The following ST6GALNAC3 variants were observed in gnomAD, a reference collection of about 807,000 sequenced individuals.
ST6GALNAC3 encodes alpha-N-acetylgalactosaminide alpha-2,6-sialyltransferase 3.
Under a neutral mutation model 32.7 loss-of-function variants are expected in ST6GALNAC3, and 25 were observed. The ratio of observed to expected loss-of-function variants is 0.76; its 90% CI spans 0.56 to 1.07. ST6GALNAC3 has a LOEUF of 1.07. ST6GALNAC3 is among the 50% of genes least tolerant of loss of function. The pLI, the probability that ST6GALNAC3 is intolerant of heterozygous loss-of-function variation, is 0.00. For missense variants in ST6GALNAC3, 355 were observed against 382.4 expected, an observed-to-expected ratio of 0.93 and a Z score of 0.60; for synonymous variants, 129 against 133.1, an observed-to-expected ratio of 0.97 and a Z score of 0.21.
intron 2 of ST6GALNAC3, among the ~76,000 whole-genome samples, chr1:76,334,827 T>C (rs1333705632): frequency 6.6e-6 from 1 of 152,128 alleles, no homozygotes; most frequent in Non-Finnish European, 1.5e-5. Flanking sequence ...AGCCCCAGGG[T>C]TTCCGATTCA....
At chr1:76,160,348 G>C (rs890082155) in intron 1 of ST6GALNAC3, among the ~76,000 whole-genome samples, 1 of 152,184 alleles carries the variant, frequency 6.6e-6, no homozygotes, top group Non-Finnish European at 1.5e-5. Context: ...TCCTGTAGTA[G>C]CAGTGTGAAG....
chr1:76,520,471 C>G (rs1662452766), intron 3 of ST6GALNAC3, among the ~76,000 whole-genome samples: 1 of 152,084 alleles, frequency 6.6e-6, no homozygotes, highest in South Asian at 2.1e-4. Flanking sequence ...ACATACCATA[C>G]ACACACATAC....
intron 3 of ST6GALNAC3, among the ~76,000 whole-genome samples, chr1:76,443,256 C>T (rs1054563338): frequency 1.3e-5 from 2 of 152,136 alleles, no homozygotes; most frequent in Admixed American, 1.3e-4. Flanking sequence ...TTAGCTTAAG[C>T]CACCCTTCTA....
Position 76,089,457 on chromosome 1 carries a change from G to C in ST6GALNAC3, c.18+14573G>C, listed in dbSNP as rs1010056762. 3.3e-5 allele frequency among the ~76,000 whole-genome samples: 5 copies of C among 152,228 alleles called. No homozygotes were observed. In the East Asian group the frequency reaches 5.8e-4, roughly 18 times the overall value. On this transcript the variant is annotated intron_variant, in intron 1 of 4. Transcript: ENST00000328299. ...TGATTTTGCTACAATGATTGCACACGGGTAATTTCAAACAGAACTTTAAAA... is the reference window on the plus strand; with the variant it reads ...TGATTTTGCTACAATGATTGCACACCGGTAATTTCAAACAGAACTTTAAAA...
intron 1 of ST6GALNAC3, among the ~76,000 whole-genome samples, chr1:76,198,792 A>T (rs1244952064): frequency 6.6e-6 from 1 of 152,122 alleles, no homozygotes; most frequent in Non-Finnish European, 1.5e-5. Flanking sequence ...AGCCAAGTGG[A>T]GATTTTCATC....
intron 3 of ST6GALNAC3, among the ~76,000 whole-genome samples, chr1:76,541,788 G>T (rs1312467799): frequency 6.6e-6 from 1 of 152,142 alleles, no homozygotes; most frequent in Non-Finnish European, 1.5e-5. Flanking sequence ...ATTTTCTGAG[G>T]TGTCCCCATC....
At chr1:76,123,837 C>A (rs1306609636) in intron 1 of ST6GALNAC3, among the ~76,000 whole-genome samples, 1 of 148,378 alleles carries the variant, frequency 6.7e-6, no homozygotes, top group Non-Finnish European at 1.5e-5. Flanking sequence ...GCAACCTCCA[C>A]CTCCCAGGTT....
chr1:76,440,131 G>A (rs1656439268), intron 3 of ST6GALNAC3, among the ~76,000 whole-genome samples: 1 of 152,228 alleles, frequency 6.6e-6, no homozygotes. Flanking sequence ...AAATGGCAAA[G>A]AGCTTCCTAG....
At position 76,469,980 on chromosome 1, in the gene ST6GALNAC3, G is replaced by A. The variant is rs116163810; in HGVS notation, c.623+57563G>A. ...AACTATATTTGTTTTTTGGTAACTA[G>A]CAATTCTAATACAGTAAAACTTCAA... On this transcript the variant is annotated intron_variant, in intron 3 of 4. Transcript: ENST00000328299. 6.2e-3 allele frequency among the ~76,000 whole-genome samples: 937 copies of A among 152,010 alleles called. 10 individuals are homozygous for A. Among genetic ancestry groups the A allele is most frequent in the African/African-American group, 0.022 (905 of 41,464 alleles).
chr1:76,127,786 T>G (rs1019926165), intron 1 of ST6GALNAC3, among the ~76,000 whole-genome samples: 1 of 152,156 alleles, frequency 6.6e-6, no homozygotes, highest in Non-Finnish European at 1.5e-5. Context: ...CTCTCATTAG[T>G]GCCAGGAGCC....
intron 2 of ST6GALNAC3, among the ~76,000 whole-genome samples, chr1:76,349,492 C>A (rs552605130): frequency 6.6e-6 from 1 of 152,218 alleles, no homozygotes; most frequent in East Asian, 1.9e-4. Context: ...CAAGAAAAAA[C>A]ACCCTGAAAG....
At position 76,146,168 on chromosome 1, in the gene ST6GALNAC3, C is replaced by A. The variant is rs146038590; in HGVS notation, c.18+71284C>A. ...TTAAGCTGTTCTTTACGTTCCCAGA[C>A]TGATTAAACAAGGCTTAATTCTAAA... On this transcript the variant is annotated intron_variant, in intron 1 of 4. Coordinates refer to ENST00000328299, the MANE Select transcript of ST6GALNAC3 (RefSeq NM_152996.4). 2.2e-3 allele frequency among the ~76,000 whole-genome samples: 333 copies of A among 152,330 alleles called. 9 individuals are homozygous for A. Among genetic ancestry groups the A allele is most frequent in the Admixed American group, 0.02 (300 of 15,302 alleles).
intron 3 of ST6GALNAC3, among the ~76,000 whole-genome samples, chr1:76,602,942 CAGA>C (rs1192238994): frequency 6.6e-6 from 1 of 151,952 alleles, no homozygotes; most frequent in Non-Finnish European, 1.5e-5. Flanking sequence ...AGGCATTTCA[CAGA>C]AGAAGAAACA....
intron 3 of ST6GALNAC3, among the ~76,000 whole-genome samples, chr1:76,460,572 A>G (rs1465187658): frequency 6.6e-6 from 1 of 152,196 alleles, no homozygotes; most frequent in African/African-American, 2.4e-5. Context: ...CGCAGAATCA[A>G]GTTACACTGT....
intron 3 of ST6GALNAC3, among the ~76,000 whole-genome samples, chr1:76,507,493 A>C (rs886481693): frequency 1.3e-5 from 2 of 152,150 alleles, no homozygotes; most frequent in African/African-American, 2.4e-5. Flanking sequence ...TTCTGTCTCT[A>C]TAGGTTTGCC....
chr1:76,408,348 C>T (rs771518768), intron 2 of ST6GALNAC3, among the ~76,000 whole-genome samples: 15 of 152,062 alleles, frequency 9.9e-5, no homozygotes, highest in Non-Finnish European at 2.2e-4. Flanking sequence ...CTTAAGATGA[C>T]GGCCATGGTG....
chr1:76,389,012 C>CTT (rs371619828), intron 2 of ST6GALNAC3, among the ~76,000 whole-genome samples: 68 of 127,356 alleles, frequency 5.3e-4, no homozygotes, highest in East Asian at 2.0e-3. Flanking sequence ...GGTATATTTC[C>CTT]TTTTTTTTTT....
chr1:76,343,127 CT>C (rs1233905615), intron 2 of ST6GALNAC3, among the ~76,000 whole-genome samples: 1 of 152,058 alleles, frequency 6.6e-6, no homozygotes, highest in Non-Finnish European at 1.5e-5. Context: ...CTTTGGGGAT[CT>C]TCATCATAAC....
intron 2 of ST6GALNAC3, among the ~76,000 whole-genome samples, chr1:76,391,586 T>G (rs1652563980): frequency 9.4e-6 from 1 of 106,408 alleles, no homozygotes; most frequent in Non-Finnish European, 1.9e-5. Flanking sequence ...CACTTCCCTT[T>G]CACCTTCCCC....
Sources: allele counts gnomAD v4.1 joint callset (sites outside exome capture counted in the v4.1 genomes callset), GRCh38; gene constraint gnomAD v4.1.1; transcripts MANE v1.5; gene names NCBI Gene and HGNC (gene_info 2026-07-23, HGNC 2026-07-21).